The following RFTN2 variants were observed in gnomAD, a reference collection of about 807,000 sequenced individuals.
RFTN2 encodes raftlin-2.
RFTN2 carries 34 observed loss-of-function variants against 52.7 expected under a neutral mutation model. The ratio of observed to expected loss-of-function variants is 0.64; its 90% confidence interval spans 0.49 to 0.86. The LOEUF (loss-of-function observed/expected upper bound fraction) is 0.86, where lower values mean the gene tolerates loss of function less well. Among genes scored for constraint, RFTN2 ranks in the 40% least tolerant of loss-of-function variants. The pLI is 0.00. For synonymous variants in RFTN2, 203 were observed against 217.7 expected (o/e 0.93, Z 0.59); for missense variants, 536 against 600.1 (o/e 0.89, Z 1.12).
chr2:197,645,916 C>T (rs1372284723), intron 2 of RFTN2, among the ~76,000 whole-genome samples: 4 of 152,032 alleles, frequency 2.6e-5, no homozygotes, highest in Non-Finnish European at 4.4e-5. Flanking sequence ...ATCCCAGCTA[C>T]TTGGGAGGCT....
In RFTN2 at chr2:197,651,134, G is replaced by T. The variant is rs144201968; in HGVS notation, c.140-4468C>A. Among the ~76,000 whole-genome samples the T allele has an allele frequency of 2.6e-3, 399 of 152,280 alleles. 5 individuals are homozygous for T. The highest frequency in any genetic ancestry group is 4.9e-4 in the Non-Finnish European group (33 of 68,028). The stretch of plus-strand genomic sequence containing the variant: ...TGGGTTGTTTCTTTGTTGTTGAGTT[G>T]TAGGAGTTATTTATATATTCTGGAT... On this transcript the variant is annotated intron_variant, in intron 1 of 8. Transcript: ENST00000295049.
intron 8 of RFTN2, among the ~76,000 whole-genome samples, chr2:197,579,722 C>T (rs374326409): frequency 7.6e-4 from 115 of 152,180 alleles, no homozygotes; most frequent in Non-Finnish European, 1.3e-3. Flanking sequence ...TCTTTTCAAT[C>T]TTTCTCTTCT....
chr2:197,625,663 T>TCTCCTCTC (rs1559354349), intron 5 of RFTN2, among the ~76,000 whole-genome samples: 1 of 47,382 alleles, frequency 2.1e-5, no homozygotes, highest in African/African-American at 8.9e-5. Context: ...AAGAAATTCC[T>TCTCCTCTC]CTCTCCTCTC....
chr2:197,608,623 C>CTT lies in RFTN2; in HGVS notation c.1154+7251_1154+7252dup, dbSNP rs57681105. 5.0e-3 allele frequency among the ~76,000 whole-genome samples: 495 copies of CTT among 99,466 alleles called. 5 individuals carry two copies. Among genetic ancestry groups the CTT allele is most frequent in the Non-Finnish European group, 7.1e-3 (362 of 50,878 alleles). 65.3% of individuals were successfully genotyped at this position (99,466 alleles called of 152,430 possible). ...GCCACTGTTCCTGGCTGGGACCAGA[C>CTT]TTTTTTTTTTTTTTTTTTTTTTTTA... is the stretch of plus-strand genomic sequence containing the variant. On this transcript the variant is annotated intron_variant, in intron 7 of 8. Transcript: ENST00000295049.
Position 197,656,914 on chromosome 2 carries a change from C to A in RFTN2, c.140-10248G>T, listed in dbSNP as rs528435877. On this transcript the variant is annotated intron_variant, in intron 1 of 8. Coordinates refer to ENST00000295049, the MANE Select transcript of RFTN2 (RefSeq NM_144629.3). ...AAAGGAGCTACACAGGAGGAGGCTG[C>A]AGGACCTGGAGAACACTCAAAGCCT... Among the ~76,000 whole-genome samples the A allele has an allele frequency of 4.4e-4, 67 of 152,294 alleles. 2 individuals are homozygous for A. In the South Asian group the frequency reaches 1.0e-2, roughly 23 times the overall value.
intron 3 of RFTN2, 79 bp from the exon 4 acceptor site, chr2:197,634,076 T>A: frequency 8.2e-7 from 1 of 1,226,068 alleles, no homozygotes; most frequent in Non-Finnish European, 1.1e-6. Flanking sequence ...CCTTTAGGCT[T>A]ATTGAGGAAA....
chr2:197,640,688 C>T (rs528699905), intron 3 of RFTN2, among the ~76,000 whole-genome samples: 72 of 152,154 alleles, frequency 4.7e-4, no homozygotes, highest in African/African-American at 1.7e-3. Context: ...CAGAAATCAC[C>T]CGTCTTCTGC....
At chr2:197,572,306 G>A in intron 8 of RFTN2, 26 bp from the exon 9 acceptor site, 1 of 1,608,174 alleles carries the variant, frequency 6.2e-7, no homozygotes. Flanking sequence ...TTGGTGACCA[G>A]GAGAGTTAAA....
chr2:197,618,640 G>C (rs1041451626), intron 5 of RFTN2, among the ~76,000 whole-genome samples: 6 of 151,350 alleles, frequency 4.0e-5, no homozygotes, highest in African/African-American at 1.5e-4. Flanking sequence ...TAGGAAGTGA[G>C]GAGCGCCTCT....
chr2:197,618,614 C>T (rs1241107229), intron 5 of RFTN2, among the ~76,000 whole-genome samples: 3 of 151,742 alleles, frequency 2.0e-5, no homozygotes, highest in African/African-American at 4.8e-5. Context: ...TGTCTCTGCC[C>T]GGCCACCATC....
intron 7 of RFTN2, among the ~76,000 whole-genome samples, chr2:197,609,231 T>C (rs1488672309): frequency 6.6e-6 from 1 of 152,250 alleles, no homozygotes. Context: ...ATGGTTGAAC[T>C]AATTTACACT....
chr2:197,670,296 G>T (rs919364325), intron 1 of RFTN2, among the ~76,000 whole-genome samples: 1 of 152,032 alleles, frequency 6.6e-6, no homozygotes, highest in Non-Finnish European at 1.5e-5. Context: ...TTTGTTTTTT[G>T]GAGTTCCGGG....
At chr2:197,625,165 A>G (rs1483910446) in intron 5 of RFTN2, among the ~76,000 whole-genome samples, 1 of 152,060 alleles carries the variant, frequency 6.6e-6, no homozygotes, top group Non-Finnish European at 1.5e-5. Context: ...TTTCAAATAT[A>G]TTCATCTTAC....
Position 197,640,940 on chromosome 2 carries a change from A to T in RFTN2, c.438+3218T>A, listed in dbSNP as rs565774453. Among the ~76,000 whole-genome samples the T allele has an allele frequency of 4.6e-4, 70 of 152,184 alleles. 2 individuals carry two copies. The South Asian group carries it at 0.01, about 22-fold the overall frequency. On this transcript the variant is annotated intron_variant, in intron 3 of 8. Coordinates refer to ENST00000295049, the MANE Select transcript of RFTN2 (RefSeq NM_144629.3). ...GCTCCTTTGAAGGCTGACGTAGGGG[A>T]CTGTGTCTTATCCTTCTTTGTATTG...
intron 8 of RFTN2, among the ~76,000 whole-genome samples, chr2:197,580,812 T>A (rs1425039754): frequency 1.3e-5 from 2 of 152,186 alleles, no homozygotes; most frequent in Non-Finnish European, 1.5e-5. Flanking sequence ...TGGTGCCAAC[T>A]TGGACAACGT....
intron 7 of RFTN2, among the ~76,000 whole-genome samples, chr2:197,598,019 C>T (rs537745336): frequency 8.5e-5 from 13 of 152,122 alleles, no homozygotes; most frequent in Non-Finnish European, 1.9e-4. Context: ...TTCCAGAGAG[C>T]AAATTCAAGG....
At chr2:197,628,626 AAGAG>A (rs923290581) in intron 5 of RFTN2, among the ~76,000 whole-genome samples, 3 of 151,522 alleles carry the variant, frequency 2.0e-5, no homozygotes, top group East Asian at 1.9e-4. Flanking sequence ...GAGAAAGAGA[AAGAG>A]AGAGAGAGAG....
intron 8 of RFTN2, among the ~76,000 whole-genome samples, chr2:197,577,907 G>A (rs1022601602): frequency 1.3e-5 from 2 of 152,090 alleles, no homozygotes; most frequent in African/African-American, 4.8e-5. Flanking sequence ...TATAGAGATG[G>A]GATTTTGCCA....
chr2:197,626,768 G>A (rs946960796), intron 5 of RFTN2, among the ~76,000 whole-genome samples: 43 of 151,410 alleles, frequency 2.8e-4, no homozygotes, highest in Non-Finnish European at 4.6e-4. Context: ...ATAGGCGCCC[G>A]CCACCACATC....
Sources: allele counts gnomAD v4.1 joint callset (sites outside exome capture counted in the v4.1 genomes callset), GRCh38; gene constraint gnomAD v4.1.1; transcripts MANE v1.5; gene names NCBI Gene and HGNC (gene_info 2026-07-23, HGNC 2026-07-21).